Variants in LAMC2 observed in about 807,000 individuals in gnomAD.
LAMC2 encodes the protein laminin subunit gamma-2.
A neutral mutation model predicts 140.2 loss-of-function variants in LAMC2; 97 were observed. The ratio of observed to expected loss-of-function variants is 0.69; its 90% CI spans 0.59 to 0.82. LAMC2 has a LOEUF of 0.82. Among genes scored for constraint, LAMC2 ranks in the 40% least tolerant of loss-of-function variants. The pLI is 0.00. For missense variants in LAMC2, 1,402 were observed against 1,476.1 expected (o/e 0.95, Z 0.82); for synonymous variants, 513 against 540.2 (o/e 0.95, Z 0.70).
rs768193979 is a variant in LAMC2, at chr1:183,239,430, T to A, written c.2936T>A (p.Ile979Asn). Reference sequence around the variant, plus strand: ...GAAGCCATGAAGAGACTCTCCTACATCAGCCAGAAGGTTTCAGATGCCAGT... The same window carrying A: ...GAAGCCATGAAGAGACTCTCCTACAACAGCCAGAAGGTTTCAGATGCCAGT... ...AEEAMKRLSY[I>N]SQKVSDASDK... The change falls in exon 20 of 23, where the codon ATC becomes AAC. Residue 979 changes from isoleucine (I) to asparagine (N), a missense_variant. Physicochemically the swap from Ile to Asn is moderately radical, Grantham distance 149. Coordinates refer to ENST00000264144, the MANE Select transcript of LAMC2 (RefSeq NM_005562.3). The A allele has an allele frequency of 3.1e-6, 5 of 1,613,946 alleles. No homozygotes were observed. The African/African-American group carries it at 5.3e-5, about 17-fold the overall frequency.
Position 183,235,515 on chromosome 1 carries a change from A to G in LAMC2, c.2301-60A>G, listed in dbSNP as rs537142134. 5 of 1,598,584 alleles carry G rather than the reference A, an allele frequency of 3.1e-6. No homozygotes were observed. The East Asian group carries it at 1.1e-4, about 36-fold the overall frequency. ...TACTCTTTGCCCTTCGTGTAACTGAACAACCTAAAGGAAGCCCTTTGCGTG... is the reference window on the plus strand; with the variant it reads ...TACTCTTTGCCCTTCGTGTAACTGAGCAACCTAAAGGAAGCCCTTTGCGTG... On this transcript the variant is annotated intron_variant, in intron 15 of 22. Transcript: ENST00000264144.
In LAMC2 at chr1:183,209,619, CT is replaced by C. The variant is rs148338855; in HGVS notation, c.268+1551del. 1.1e-3 allele frequency among the ~76,000 whole-genome samples: 160 copies of C among 152,306 alleles called. 4 individuals are homozygous for C. The East Asian group carries it at 0.029, about 27-fold the overall frequency. On this transcript the variant is annotated intron_variant, in intron 2 of 22. Transcript: ENST00000264144. ...TATTGCATTTTAATGGGCATTTAACCTCTCTGAAGAGCTCCTATTGCCTTAG... is the reference window on the plus strand; with the variant it reads ...TATTGCATTTTAATGGGCATTTAACCCTCTGAAGAGCTCCTATTGCCTTAG...
chr1:183,193,123 T>G (rs1207701613), intron 1 of LAMC2, among the ~76,000 whole-genome samples: 1 of 152,254 alleles, frequency 6.6e-6, no homozygotes, highest in East Asian at 1.9e-4. Flanking sequence ...CATTTGTGTA[T>G]ATGATTCAAT....
At position 183,227,596 on chromosome 1, in the gene LAMC2, C is replaced by T. The variant is rs369365534; in HGVS notation, c.1367C>T (p.Pro456Leu). The T allele has an allele frequency of 7.4e-6, 12 of 1,613,982 alleles. 1 individual carries two copies. In the African/African-American group the frequency reaches 8.0e-5, roughly 11 times the overall value. ...PIGFYNDPHDPRSCKPCPCHN... is the reference protein window; with the variant it reads ...PIGFYNDPHDLRSCKPCPCHN... ...GGTTTCTACAACGATCCGCACGACC[C>T]CCGCAGCTGCAAGCCATGTCCCTGT... Residue 456 changes from proline to leucine, a missense_variant, in exon 10 of 23, where the codon CCC becomes CTC. This residue lies in a region of LAMC2 where 723 missense variants were observed against 783.3 expected (regional missense o/e 0.92). Coordinates refer to ENST00000264144, the MANE Select transcript of LAMC2 (RefSeq NM_005562.3).
At chr1:183,202,227 A>AC (rs1658730077) in intron 1 of LAMC2, among the ~76,000 whole-genome samples, 3 of 151,198 alleles carry the variant, frequency 2.0e-5, no homozygotes, top group African/African-American at 4.9e-5. Context: ...CAACAACAAA[A>AC]AAAAAAAAAC....
chr1:183,195,717 T>G (rs1658491318), intron 1 of LAMC2, among the ~76,000 whole-genome samples: 1 of 152,174 alleles, frequency 6.6e-6, no homozygotes, highest in South Asian at 2.1e-4. Context: ...GTTTTCTTAT[T>G]CTAATTAGGG....
At chr1:183,246,811 A>G (rs558706584), downstream of LAMC2, among the ~76,000 whole-genome samples, 83 of 152,254 alleles carry the variant, frequency 5.5e-4, 1 homozygote, top group African/African-American at 1.8e-3. Context: ...CTGTGGTTCA[A>G]TTTTCCCACC....
chr1:183,224,345 G>A (rs1417541142), intron 7 of LAMC2, among the ~76,000 whole-genome samples: 1 of 152,190 alleles, frequency 6.6e-6, no homozygotes, highest in East Asian at 1.9e-4. Flanking sequence ...TGCAAAGGTT[G>A]GAAAAGGACC....
At chr1:183,218,634 G>A (rs1054800582) in intron 4 of LAMC2, 146 bp downstream of exon 4, 2 of 721,640 alleles carry the variant, frequency 2.8e-6, no homozygotes, top group Non-Finnish European at 5.0e-6. Context: ...CAAAAACTAA[G>A]CTTTTACAAC....
At chr1:183,210,275 C>T (rs1423791569) in intron 2 of LAMC2, among the ~76,000 whole-genome samples, 1 of 152,142 alleles carries the variant, frequency 6.6e-6, no homozygotes, top group Non-Finnish European at 1.5e-5. Context: ...AATCTGGACA[C>T]AACCACCATC....
At chr1:183,208,238 A>C (rs1368292083) in intron 2 of LAMC2, among the ~76,000 whole-genome samples, 169 bp downstream of exon 2, 1 of 152,222 alleles carries the variant, frequency 6.6e-6, no homozygotes, top group East Asian at 1.9e-4. Context: ...AACAACTGGG[A>C]ACCTACCAGA....
At chr1:183,193,223 T>C (rs1446231195) in intron 1 of LAMC2, among the ~76,000 whole-genome samples, 1 of 152,208 alleles carries the variant, frequency 6.6e-6, no homozygotes, top group Non-Finnish European at 1.5e-5. Context: ...GAGAACAGAT[T>C]TCAAATTACC....
At chr1:183,253,231 ATATT>A in the LAMC2 span, among the ~76,000 whole-genome samples, 2 of 148,076 alleles carry the variant, frequency 1.4e-5, no homozygotes, top group South Asian at 2.1e-4. Context: ...GTTATATTAC[ATATT>A]TATTATATAT....
intron 1 of LAMC2, among the ~76,000 whole-genome samples, chr1:183,198,132 T>C (rs537902595): frequency 2.4e-4 from 29 of 118,390 alleles, no homozygotes; most frequent in African/African-American, 7.9e-4. Flanking sequence ...ATCTTTTTTT[T>C]TTTCTTTCTT....
chr1:183,207,366 C>A (rs984587851), intron 1 of LAMC2, among the ~76,000 whole-genome samples: 1 of 147,304 alleles, frequency 6.8e-6, no homozygotes. Flanking sequence ...GAGACATGTG[C>A]CCAGACGGTC....
At chr1:183,238,219 A>G in intron 18 of LAMC2, 88 bp from the exon 19 acceptor site, 1 of 938,738 alleles carries the variant, frequency 1.1e-6, no homozygotes, top group Non-Finnish European at 1.7e-6. Context: ...AATCACAATG[A>G]TCTGCTGTCA....
the LAMC2 span, among the ~76,000 whole-genome samples, chr1:183,255,127 T>C: frequency 6.6e-6 from 1 of 152,244 alleles, no homozygotes; most frequent in Non-Finnish European, 1.5e-5. Context: ...TTCATTCTTT[T>C]GCCTGTAGAA....
At chr1:183,221,016 G>A in intron 5 of LAMC2, 55 bp downstream of exon 5, 1 of 1,531,826 alleles carries the variant, frequency 6.5e-7, no homozygotes, top group South Asian at 1.1e-5. Context: ...AGGGCTTTGT[G>A]TTTAGAGACA....
intron 1 of LAMC2, among the ~76,000 whole-genome samples, chr1:183,206,635 G>A (rs1275356823): frequency 7.0e-6 from 1 of 142,238 alleles, no homozygotes; most frequent in Non-Finnish European, 1.5e-5. Context: ...CTGGGCGACA[G>A]AGCAAGACTT....
Sources: allele counts gnomAD v4.1 joint callset (sites outside exome capture counted in the v4.1 genomes callset), GRCh38; gene constraint gnomAD v4.1.1; regional missense constraint gnomAD v4.1.1; transcripts MANE v1.5; gene names NCBI Gene and HGNC (gene_info 2026-07-23, HGNC 2026-07-21).